The following NEK3 variants were observed in gnomAD, a reference collection of about 807,000 sequenced individuals.
NEK3 encodes NIMA related kinase 3, also known as serine/threonine-protein kinase Nek3.
A neutral mutation model predicts 66.0 loss-of-function variants in NEK3; 54 were observed. The ratio of observed to expected loss-of-function variants is 0.82; its 90% CI spans 0.66 to 1.03. The LOEUF is 1.03. Ranked by LOEUF, NEK3 falls within the 50% of genes least tolerant of loss-of-function variation. The pLI is 0.00. For missense variants in NEK3, 593 were observed against 603.0 expected, an observed-to-expected ratio of 0.98 and a Z score of 0.17; for synonymous variants, 200 against 206.2, an observed-to-expected ratio of 0.97 and a Z score of 0.26.
rs775224169 is a variant in NEK3 at position 52,133,113 on chromosome 13, A to T, written c.*29T>A. 7 of 1,567,890 alleles carry T rather than the reference A, an allele frequency of 4.5e-6. No individual in the cohort carries two copies. The highest frequency in any genetic ancestry group is 6.1e-6 in the Non-Finnish European group (7 of 1,146,000). ...GAACTCCTGAGTGAAGCCTCTCCTC[A>T]GCGTGACTCAGGAACATTTCCTCAG... On this transcript the variant is annotated 3_prime_UTR_variant, in exon 16 of 16. Coordinates refer to ENST00000610828, the MANE Select transcript of NEK3 (RefSeq NM_002498.3).
chr13:52,145,001 C>G (rs1050226756), intron 8 of NEK3, 110 bp from the exon 9 acceptor site: 1 of 743,990 alleles, frequency 1.3e-6, no homozygotes, highest in African/African-American at 1.8e-5. Flanking sequence ...GCTGTCTGGT[C>G]ATTTTTCTTT....
chr13:52,156,915 C>A (rs552396873), intron 1 of NEK3: 3 of 152,342 alleles, frequency 2.0e-5, no homozygotes, highest in African/African-American at 4.8e-5. Flanking sequence ...ATGTTATAAT[C>A]TGAAAAATCT....
chr13:52,154,056 A>G (rs760279850), intron 3 of NEK3, 24 bp downstream of exon 3: 19 of 1,603,118 alleles, frequency 1.2e-5, no homozygotes, highest in Middle Eastern at 1.7e-4. Flanking sequence ...AGAAATGCAC[A>G]TATCTGGGGG....
chr13:52,151,670 A>G (rs928000675), intron 5 of NEK3, among the ~76,000 whole-genome samples: 2 of 152,244 alleles, frequency 1.3e-5, no homozygotes. Context: ...GTGATGCCAC[A>G]TGGCAGGCCC....
At chr13:52,136,329 A>C (rs1956206030) in intron 12 of NEK3, 70 bp from the exon 13 acceptor site, 5 of 1,440,320 alleles carry the variant, frequency 3.5e-6, no homozygotes, top group Non-Finnish European at 4.8e-6. Flanking sequence ...CCACACATAG[A>C]CTCTAACAAA....
chr13:52,150,778 C>T (rs1035323345), intron 7 of NEK3, among the ~76,000 whole-genome samples: 1 of 152,130 alleles, frequency 6.6e-6, no homozygotes, highest in African/African-American at 2.4e-5. Context: ...CTGCTTCTCA[C>T]CCTTTGCCAT....
intron 7 of NEK3, among the ~76,000 whole-genome samples, 194 bp from the exon 8 acceptor site, chr13:52,148,663 C>T (rs2274202): frequency 6.6e-6 from 1 of 151,926 alleles, no homozygotes; most frequent in Non-Finnish European, 1.5e-5. Flanking sequence ...CAATCCCCAC[C>T]CCCTTCAAAT....
intron 15 of NEK3, 46 bp downstream of exon 15, chr13:52,133,643 A>T (rs761715823): frequency 9.1e-6 from 14 of 1,540,210 alleles, no homozygotes; most frequent in Non-Finnish European, 1.2e-5. Flanking sequence ...ACACACACAC[A>T]CACCCCCAAC....
At chr13:52,159,112 T>C (rs1347276914) in intron 1 of NEK3, 1 of 152,292 alleles carries the variant, frequency 6.6e-6, no homozygotes, top group Admixed American at 6.5e-5. Context: ...CCCCGAATTC[T>C]CGGGGAGACA....
intron 1 of NEK3, among the ~76,000 whole-genome samples, chr13:52,158,874 G>A (rs1341606325): frequency 3.3e-5 from 5 of 152,066 alleles, no homozygotes; most frequent in Non-Finnish European, 5.9e-5. Context: ...CTAACCTCAC[G>A]GGCTAAGTTT....
At chr13:52,140,998 A>T in intron 11 of NEK3, 22 bp downstream of exon 11, 1 of 1,574,018 alleles carries the variant, frequency 6.4e-7, no homozygotes, top group Non-Finnish European at 8.6e-7. Flanking sequence ...CGGCCTCATA[A>T]AAGTAATTTT....
At position 52,136,342 on chromosome 13, in the gene NEK3, T is replaced by C. The variant is rs896546940; in HGVS notation, c.1031-83A>G. 6 of 1,322,274 alleles carry C rather than the reference T, an allele frequency of 4.5e-6. No individual in the cohort carries two copies. The African/African-American group carries it at 5.9e-5, about 13-fold the overall frequency. 81.9% of individuals were successfully genotyped at this position (1,322,274 alleles called of 1,614,324 possible). ...GTCCACACATAGACTCTAACAAATA[T>C]GGAAGTGTTTCTTTTCTCTTTCATA... On this transcript the variant is annotated intron_variant, in intron 12 of 15. Coordinates refer to ENST00000610828, the MANE Select transcript of NEK3 (RefSeq NM_002498.3).
At chr13:52,147,960 C>A (rs1354308359) in intron 8 of NEK3, among the ~76,000 whole-genome samples, 1 of 152,114 alleles carries the variant, frequency 6.6e-6, no homozygotes, top group East Asian at 1.9e-4. Flanking sequence ...TGCACCACTG[C>A]ACTCCAGACT....
rs571229871 is a variant in NEK3 at position 52,135,154 on chromosome 13, AGAGT to A, written c.1309+571_1309+574del. On this transcript the variant is annotated intron_variant, in intron 14 of 15. Coordinates refer to ENST00000610828, the MANE Select transcript of NEK3 (RefSeq NM_002498.3). The stretch of plus-strand genomic sequence containing the variant: ...AGACCACTGGCCTGGATTCCTAAGG[AGAGT>A]ATTATAAAAAAATTATTTTATACAA... 4.6e-3 allele frequency among the ~76,000 whole-genome samples: 697 copies of A among 152,290 alleles called. 13 individuals are homozygous for A. Among genetic ancestry groups the A allele is most frequent in the Admixed American group, 0.034 (523 of 15,300 alleles).
intron 7 of NEK3, among the ~76,000 whole-genome samples, chr13:52,150,020 T>C (rs1029613767): frequency 6.6e-6 from 1 of 152,226 alleles, no homozygotes; most frequent in Non-Finnish European, 1.5e-5. Context: ...TAACATTATT[T>C]AAAATTTACT....
At chr13:52,134,668 C>T (rs1185416484) in intron 14 of NEK3, among the ~76,000 whole-genome samples, 2 of 152,192 alleles carry the variant, frequency 1.3e-5, no homozygotes. Context: ...CAGGGACTTT[C>T]CTAAAATGAC....
At chr13:52,142,097 T>C (rs948933876) in intron 10 of NEK3, among the ~76,000 whole-genome samples, 28 of 151,620 alleles carry the variant, frequency 1.8e-4, no homozygotes, top group African/African-American at 6.8e-4. Context: ...AAAAATAAAA[T>C]AAAATAAAGT....
chr13:52,144,880 A>C lies in NEK3; in HGVS notation c.615T>G (p.Asn205Lys), dbSNP rs578140674. The C allele has an allele frequency of 4.4e-6, 7 of 1,599,768 alleles. 1 individual carries two copies. The highest frequency in any genetic ancestry group is 2.7e-5 in the African/African-American group (2 of 74,850). The stretch of plus-strand genomic sequence containing the variant: ...CTTTGAGGATAAGATTTTTCCAACT[A>C]TTTGCCTGAAACTGAAAAGGAAAAT... ...LCTLKHPFQA[N>K]SWKNLILKVC... is the part of the protein sequence containing the mutation. The change falls in exon 9 of 16, where the codon AAT (asparagine) becomes AAG (lysine). Residue 205 changes from asparagine to lysine, a missense_variant. Transcript: ENST00000610828.
At chr13:52,136,066 A>G (rs1956202815) in intron 13 of NEK3, 50 bp downstream of exon 13, 13 of 1,603,610 alleles carry the variant, frequency 8.1e-6, no homozygotes, top group Non-Finnish European at 1.1e-5. Context: ...CTAAGTAACT[A>G]TTAGAAAAAG....
Sources: gnomAD v4.1 joint callset for allele counts (sites outside exome capture counted in the v4.1 genomes callset) on GRCh38, gnomAD v4.1.1 for gene constraint, MANE v1.5 for transcripts, NCBI Gene and HGNC (gene_info 2026-07-23, HGNC 2026-07-21) for gene names.